The following FRMD4A variants were observed in gnomAD, a reference collection of about 807,000 sequenced individuals.
FRMD4A encodes the protein FERM domain-containing protein 4A.
A neutral mutation model predicts 129.1 loss-of-function variants in FRMD4A; 29 were observed. The ratio of observed to expected loss-of-function variants is 0.22; its 90% CI spans 0.17 to 0.31. The LOEUF (loss-of-function observed/expected upper bound fraction) is 0.31, where lower values mean the gene tolerates loss of function less well. Ranked by LOEUF, FRMD4A falls within the 10% of genes least tolerant of loss-of-function variation. The pLI is 1.00. For synonymous variants in FRMD4A, 634 were observed against 571.6 expected, an observed-to-expected ratio of 1.11 and a Z score of -1.56; for missense variants, 1,272 against 1,375.8, an observed-to-expected ratio of 0.92 and a Z score of 1.19.
intron 2 of FRMD4A, among the ~76,000 whole-genome samples, chr10:14,100,807 A>G (rs1317943274): frequency 6.6e-6 from 1 of 152,184 alleles, no homozygotes; most frequent in Non-Finnish European, 1.5e-5. Context: ...AGCTATTTAC[A>G]GAAAAAGTAA....
At chr10:13,717,968 T>C (rs1022420136) in intron 12 of FRMD4A, among the ~76,000 whole-genome samples, 3 of 152,202 alleles carry the variant, frequency 2.0e-5, no homozygotes, top group Admixed American at 2.0e-4. Flanking sequence ...GCCCTAGCGA[T>C]ATCTGTGCGA....
intron 2 of FRMD4A, among the ~76,000 whole-genome samples, chr10:14,049,384 C>A (rs907822019): frequency 2.0e-5 from 3 of 152,128 alleles, no homozygotes; most frequent in Non-Finnish European, 4.4e-5. Context: ...AAGTCAGGAG[C>A]AATGCACTGG....
At chr10:14,131,401 C>CCCCA (rs1554767042) in intron 2 of FRMD4A, among the ~76,000 whole-genome samples, 1 of 151,672 alleles carries the variant, frequency 6.6e-6, no homozygotes, top group Non-Finnish European at 1.5e-5. Context: ...ACTGTGCCCC[C>CCCCA]CCCGGCCGCC....
chr10:14,165,422 T>A (rs1400095427), intron 2 of FRMD4A, among the ~76,000 whole-genome samples: 1 of 152,212 alleles, frequency 6.6e-6, no homozygotes, highest in Non-Finnish European at 1.5e-5. Flanking sequence ...TGGGAAAGTG[T>A]ATTAGTTCAA....
At chr10:13,908,152 G>A (rs2094901971) in intron 2 of FRMD4A, among the ~76,000 whole-genome samples, 1 of 98,988 alleles carries the variant, frequency 1.0e-5, no homozygotes, top group Non-Finnish European at 2.0e-5. Context: ...ACAAGAAGAC[G>A]GAAACTCCAT....
chr10:13,661,002 C>T (rs1395256450), intron 19 of FRMD4A, among the ~76,000 whole-genome samples: 2 of 152,124 alleles, frequency 1.3e-5, no homozygotes, highest in Non-Finnish European at 2.9e-5. Flanking sequence ...TCAGCCGACA[C>T]ATAGTAGGTG....
chr10:13,815,711 G>A (rs2093531558), intron 3 of FRMD4A, among the ~76,000 whole-genome samples: 1 of 152,232 alleles, frequency 6.6e-6, no homozygotes, highest in African/African-American at 2.4e-5. Context: ...CCCTGGCTGA[G>A]TGAGGGCTAC....
chr10:14,065,237 G>A (rs1835000296), intron 2 of FRMD4A, among the ~76,000 whole-genome samples: 1 of 151,910 alleles, frequency 6.6e-6, no homozygotes. Context: ...AGGCTGGAGT[G>A]CAGTAGCACG....
intron 2 of FRMD4A, among the ~76,000 whole-genome samples, chr10:14,110,400 G>T (rs1028997927): frequency 9.2e-5 from 14 of 152,232 alleles, no homozygotes; most frequent in African/African-American, 3.4e-4. Context: ...GGAAACGGGG[G>T]TGCTGACACG....
At chr10:13,789,722 G>T (rs1475046777) in intron 5 of FRMD4A, among the ~76,000 whole-genome samples, 1 of 137,278 alleles carries the variant, frequency 7.3e-6, no homozygotes, top group Non-Finnish European at 1.6e-5. Flanking sequence ...ATGGTTTGCA[G>T]TTCAAGGTGC....
At chr10:13,993,501 C>A (rs935472193) in intron 2 of FRMD4A, among the ~76,000 whole-genome samples, 1 of 152,192 alleles carries the variant, frequency 6.6e-6, no homozygotes. Flanking sequence ...TAGGACCACA[C>A]ACTGCTGGTC....
chr10:13,818,715 A>G (rs1246041743), intron 3 of FRMD4A, among the ~76,000 whole-genome samples: 1 of 152,214 alleles, frequency 6.6e-6, no homozygotes. Context: ...CCAGGTCACA[A>G]GGCTGTTTTG....
At chr10:13,937,578 T>C (rs1030655345) in intron 2 of FRMD4A, among the ~76,000 whole-genome samples, 55 of 152,182 alleles carry the variant, frequency 3.6e-4, no homozygotes, top group African/African-American at 1.3e-3. Context: ...TCAGGCTGCG[T>C]TTTGGTTAAC....
At chr10:14,138,087 A>G (rs1365685345) in intron 2 of FRMD4A, among the ~76,000 whole-genome samples, 1 of 152,224 alleles carries the variant, frequency 6.6e-6, no homozygotes, top group East Asian at 1.9e-4. Context: ...GAACATCTTT[A>G]CCTAAAAGGA....
chr10:14,277,179 T>C (rs1463102191), intron 2 of FRMD4A, among the ~76,000 whole-genome samples: 1 of 152,198 alleles, frequency 6.6e-6, no homozygotes, highest in African/African-American at 2.4e-5. Context: ...GGGATCTGAA[T>C]GTTGACCACA....
chr10:13,964,728 A>G (rs1031492161), intron 2 of FRMD4A, among the ~76,000 whole-genome samples: 2 of 148,698 alleles, frequency 1.3e-5, no homozygotes, highest in East Asian at 1.9e-4. Flanking sequence ...CTGGAGTGCA[A>G]TGGCGCGATC....
intron 2 of FRMD4A, among the ~76,000 whole-genome samples, chr10:14,048,326 C>A (rs1470013223): frequency 6.6e-6 from 1 of 152,216 alleles, no homozygotes; most frequent in Non-Finnish European, 1.5e-5. Context: ...AACTTTGTAA[C>A]TGCCTATTTG....
chr10:13,819,067 G>T (rs554383599), intron 3 of FRMD4A, among the ~76,000 whole-genome samples: 3 of 152,286 alleles, frequency 2.0e-5, no homozygotes, highest in African/African-American at 7.2e-5. Context: ...GATGGAGGTT[G>T]CAGTGAGCCG....
At chr10:14,251,781 G>C (rs535290213) in intron 2 of FRMD4A, among the ~76,000 whole-genome samples, 8 of 152,146 alleles carry the variant, frequency 5.3e-5, no homozygotes, top group Non-Finnish European at 1.2e-4. Flanking sequence ...TGAACCCAGA[G>C]GCAAATTACT....
Sources: allele counts gnomAD v4.1 joint callset (sites outside exome capture counted in the v4.1 genomes callset), GRCh38; gene constraint gnomAD v4.1.1; transcripts MANE v1.5; gene names NCBI Gene and HGNC (gene_info 2026-07-23, HGNC 2026-07-21).